CDH12: variants seen among roughly 807,000 people sequenced by gnomAD.
CDH12 encodes cadherin-12.
CDH12 carries 41 observed loss-of-function variants against 74.1 expected under a neutral mutation model. The ratio of observed to expected loss-of-function variants is 0.55; its 90% CI spans 0.43 to 0.72. The LOEUF (loss-of-function observed/expected upper bound fraction) is 0.72, where lower values mean the gene tolerates loss of function less well. Among genes scored for constraint, CDH12 ranks in the 30% least tolerant of loss-of-function variants. The pLI is 0.00. For missense variants in CDH12, 945 were observed against 977.2 expected, an observed-to-expected ratio of 0.97 and a Z score of 0.44; for synonymous variants, 399 against 355.0, an observed-to-expected ratio of 1.12 and a Z score of -1.39.
intron 1 of CDH12, among the ~76,000 whole-genome samples, chr5:22,767,300 G>A (rs962812644): frequency 2.1e-4 from 32 of 151,954 alleles, no homozygotes; most frequent in Non-Finnish European, 4.6e-4. Flanking sequence ...GACTTTGAAT[G>A]TTCTTTAATT....
chr5:22,000,730 C>T (rs531929931), intron 5 of CDH12, among the ~76,000 whole-genome samples: 1 of 152,076 alleles, frequency 6.6e-6, no homozygotes, highest in African/African-American at 2.4e-5. Context: ...AAGTGATGAT[C>T]GGATAGTGCA....
chr5:21,879,347 C>T (rs1310000209), intron 6 of CDH12, among the ~76,000 whole-genome samples: 1 of 152,194 alleles, frequency 6.6e-6, no homozygotes, highest in African/African-American at 2.4e-5. Flanking sequence ...AAGAGCCATT[C>T]TATCACTAAA....
chr5:22,197,272 G>A (rs1173988317), intron 4 of CDH12, among the ~76,000 whole-genome samples: 2 of 151,644 alleles, frequency 1.3e-5, no homozygotes, highest in African/African-American at 2.4e-5. Context: ...GTGAAACCCT[G>A]TCTCTACTAA....
Position 22,106,483 on chromosome 5 carries a change from A to G in CDH12, c.-186-27621T>C, listed in dbSNP as rs1031874774. On this transcript the variant is annotated intron_variant, in intron 4 of 14. Transcript: ENST00000382254. ...TGACTAATTCATGTAATAATGTTAT[A>G]TAATATAACAAGGGAAAATATTTAT... 4.6e-5 allele frequency among the ~76,000 whole-genome samples: 7 copies of G among 152,160 alleles called. No individual in the cohort carries two copies. The East Asian group carries it at 1.3e-3, about 29-fold the overall frequency.
In CDH12 at chr5:22,493,331, T is replaced by C. The variant is rs542877093; in HGVS notation, c.-428+11939A>G. On this transcript the variant is annotated intron_variant, in intron 2 of 14. Transcript: ENST00000382254. ...GATTTTCTGTCACCCTCAACTGCAATGTGAACTCCAGGGGAGCAGAAACAT... is the reference window on the plus strand; with the variant it reads ...GATTTTCTGTCACCCTCAACTGCAACGTGAACTCCAGGGGAGCAGAAACAT... Among the ~76,000 whole-genome samples, 4 of 152,286 alleles carry C rather than the reference T, an allele frequency of 2.6e-5. No homozygotes were observed. The South Asian group carries it at 6.2e-4, about 24-fold the overall frequency.
chr5:22,623,399 G>A (rs1415123131), intron 1 of CDH12, among the ~76,000 whole-genome samples: 1 of 152,160 alleles, frequency 6.6e-6, no homozygotes, highest in Non-Finnish European at 1.5e-5. Flanking sequence ...TGGTATGATT[G>A]TATATTTAGA....
At chr5:22,125,960 GT>G (rs34864453) in intron 4 of CDH12, among the ~76,000 whole-genome samples, 2,733 of 132,546 alleles carry the variant, frequency 0.021, 86 homozygotes, top group African/African-American at 0.071. Flanking sequence ...CACTTTCATT[GT>G]TTTTTTTTTT....
chr5:22,690,853 T>C (rs1742044427), intron 1 of CDH12, among the ~76,000 whole-genome samples: 1 of 152,112 alleles, frequency 6.6e-6, no homozygotes, highest in African/African-American at 2.4e-5. Context: ...GACTCAGTCT[T>C]TTCACTATTT....
chr5:22,721,266 G>A (rs78107566), intron 1 of CDH12, among the ~76,000 whole-genome samples: 5,727 of 152,314 alleles, frequency 0.038, 169 homozygotes, highest in Admixed American at 0.07. Context: ...TCAAGGCCAT[G>A]GGAGCCTACC....
intron 4 of CDH12, among the ~76,000 whole-genome samples, chr5:22,093,007 G>A (rs1743526126): frequency 6.6e-6 from 1 of 152,160 alleles, no homozygotes; most frequent in South Asian, 2.1e-4. Context: ...AGCCTCACAT[G>A]AGAGTGCACA....
chr5:22,665,961 C>G (rs927814875), intron 1 of CDH12, among the ~76,000 whole-genome samples: 2 of 152,082 alleles, frequency 1.3e-5, no homozygotes, highest in Admixed American at 6.5e-5. Context: ...CATCTTCCCA[C>G]TTGACTCAAT....
chr5:22,452,880 C>CAAAAAAAAAAAA lies in CDH12; in HGVS notation c.-427-47541_-427-47530dup, dbSNP rs768945480. Among the ~76,000 whole-genome samples, 23 of 32,194 alleles carry CAAAAAAAAAAAA rather than the reference C, an allele frequency of 7.1e-4. 2 individuals carry two copies. Among genetic ancestry groups the CAAAAAAAAAAAA allele is most frequent in the African/African-American group, 2.8e-3 (19 of 6,860 alleles). 21.1% of individuals were successfully genotyped at this position (32,194 alleles called of 152,430 possible). A position where few individuals can be genotyped will look rare whatever the true frequency, so the allele number is the denominator to read the frequency against. On this transcript the variant is annotated intron_variant, in intron 2 of 14. Transcript: ENST00000382254. ...ATAAGAAACTCAAACAACCTAAGAG[C>CAAAAAAAAAAAA]AAAAAAAAAAAAAAAAAAAAAAAAT... is the stretch of plus-strand genomic sequence containing the variant.
chr5:21,865,164 T>C (rs909064413), intron 6 of CDH12, among the ~76,000 whole-genome samples: 7 of 152,158 alleles, frequency 4.6e-5, no homozygotes, highest in African/African-American at 1.7e-4. Context: ...AGAAGAAATA[T>C]CTAAGCACCA....
intron 6 of CDH12, among the ~76,000 whole-genome samples, chr5:21,874,988 C>T (rs1310609542): frequency 6.6e-6 from 1 of 152,168 alleles, no homozygotes; most frequent in African/African-American, 2.4e-5. Flanking sequence ...ATCTTGGGCA[C>T]TCTAAGAACA....
chr5:22,575,508 T>A (rs1184579916), intron 1 of CDH12, among the ~76,000 whole-genome samples: 1 of 152,048 alleles, frequency 6.6e-6, no homozygotes. Context: ...TCCTTCCACA[T>A]CAGCCTCCCA....
rs1051668121 is a variant in CDH12 at position 22,140,813 on chromosome 5, G to A, written c.-186-61951C>T. Among the ~76,000 whole-genome samples, 86 of 152,198 alleles carry A rather than the reference G, an allele frequency of 5.7e-4. 1 individual carries two copies. Among genetic ancestry groups the A allele is most frequent in the African/African-American group, 2.0e-3 (83 of 41,534 alleles). Reference sequence around the variant, plus strand: ...GTGCAAACTCACACCATCATGTGAAGTGGACATCTGCATTCTAGTGCTACA... The same window carrying A: ...GTGCAAACTCACACCATCATGTGAAATGGACATCTGCATTCTAGTGCTACA... On this transcript the variant is annotated intron_variant, in intron 4 of 14. Coordinates refer to ENST00000382254, the MANE Select transcript of CDH12 (RefSeq NM_004061.5).
At chr5:22,041,406 A>G (rs1045144460) in intron 5 of CDH12, among the ~76,000 whole-genome samples, 2 of 152,150 alleles carry the variant, frequency 1.3e-5, no homozygotes, top group Non-Finnish European at 2.9e-5. Context: ...AAAGGCAACC[A>G]TATCAAAATC....
chr5:22,712,082 G>C (rs1265942764), intron 1 of CDH12, among the ~76,000 whole-genome samples: 1 of 151,832 alleles, frequency 6.6e-6, no homozygotes, highest in African/African-American at 2.4e-5. Flanking sequence ...ACACAGTGTA[G>C]CACACACAGT....
intron 1 of CDH12, among the ~76,000 whole-genome samples, chr5:22,565,961 A>G (rs1045039383): frequency 7.2e-5 from 11 of 152,354 alleles, no homozygotes; most frequent in African/African-American, 2.2e-4. Context: ...TCTTGGATCC[A>G]AGCAACCATG....
Sources: gnomAD v4.1 joint callset for allele counts (sites outside exome capture counted in the v4.1 genomes callset) on GRCh38, gnomAD v4.1.1 for gene constraint, MANE v1.5 for transcripts, NCBI Gene and HGNC (gene_info 2026-07-23, HGNC 2026-07-21) for gene names.